The following NRXN3 variants were observed in gnomAD, a reference collection of about 807,000 sequenced individuals.
NRXN3 encodes the protein neurexin III.
A neutral mutation model predicts 137.6 loss-of-function variants in NRXN3; 32 were observed. The observed-to-expected ratio is 0.23, with a 90% confidence interval of 0.18 to 0.31. The LOEUF (loss-of-function observed/expected upper bound fraction) is 0.31, where lower values mean the gene tolerates loss of function less well. NRXN3 is among the 10% of genes least tolerant of loss of function. The probability of loss-of-function intolerance (pLI) is 1.00; values close to 1 mark genes in which losing one functional copy is unlikely to be tolerated. For synonymous variants in NRXN3, 798 were observed against 784.5 expected, an observed-to-expected ratio of 1.02 and a Z score of -0.29; for missense variants, 1,574 against 2,062.5, an observed-to-expected ratio of 0.76 and a Z score of 4.59.
rs187024398 is a variant in NRXN3, at chr14:78,589,745, C to T, written c.758-55375C>T. Among the ~76,000 whole-genome samples the T allele has an allele frequency of 6.6e-5, 10 of 152,236 alleles. No homozygotes were observed. The East Asian group carries it at 1.9e-3, about 30-fold the overall frequency. On this transcript the variant is annotated intron_variant, in intron 4 of 20. Transcript: ENST00000335750. Reference sequence around the variant, plus strand: ...CCTGGGGCAGCAGGTGTGTCTTCCCCACCTAGACTGAGGAATTGTGTCTCA... The same window carrying T: ...CCTGGGGCAGCAGGTGTGTCTTCCCTACCTAGACTGAGGAATTGTGTCTCA...
At chr14:79,218,111 C>G (rs2068862165) in intron 15 of NRXN3, among the ~76,000 whole-genome samples, 1 of 152,074 alleles carries the variant, frequency 6.6e-6, no homozygotes. Flanking sequence ...ATAATTGTTC[C>G]AATTTTGACT....
At position 79,265,675 on chromosome 14, in the gene NRXN3, T is replaced by C. The variant is rs189841165; in HGVS notation, c.3263-201546T>C. Among the ~76,000 whole-genome samples the C allele has an allele frequency of 3.5e-4, 54 of 152,226 alleles. 1 individual carries two copies. Among genetic ancestry groups the C allele is most frequent in the African/African-American group, 1.2e-3 (48 of 41,530 alleles). Reference sequence around the variant, plus strand: ...ATGTACTGACCTTTTTCTCTATTCATCTTCTGTACACCGACAAGGTATACA... The same window carrying C: ...ATGTACTGACCTTTTTCTCTATTCACCTTCTGTACACCGACAAGGTATACA... On this transcript the variant is annotated intron_variant, in intron 15 of 20. Coordinates refer to ENST00000335750, the MANE Select transcript of NRXN3 (RefSeq NM_001330195.2).
chr14:79,353,735 T>C (rs2093317791), intron 15 of NRXN3, among the ~76,000 whole-genome samples: 3 of 152,168 alleles, frequency 2.0e-5, no homozygotes, highest in African/African-American at 4.8e-5. Flanking sequence ...TAGAAGTTCT[T>C]GTGATTGACA....
At chr14:79,480,898 C>T (rs958291651) in intron 16 of NRXN3, among the ~76,000 whole-genome samples, 2 of 152,150 alleles carry the variant, frequency 1.3e-5, no homozygotes, top group African/African-American at 4.8e-5. Context: ...CCTGAGGCCT[C>T]CCCAGCCATG....
chr14:78,466,168 C>T (rs2095100970), intron 4 of NRXN3, among the ~76,000 whole-genome samples: 1 of 152,118 alleles, frequency 6.6e-6, no homozygotes, highest in Admixed American at 6.5e-5. Context: ...AAGTGTTATC[C>T]TAACTACAAA....
chr14:78,975,137 A>T (rs565001053), intron 14 of NRXN3, among the ~76,000 whole-genome samples: 1 of 152,350 alleles, frequency 6.6e-6, no homozygotes, highest in East Asian at 1.9e-4. Flanking sequence ...GATGAGATGC[A>T]GTCTCTAACT....
At chr14:79,146,000 G>T (rs572300268) in intron 15 of NRXN3, among the ~76,000 whole-genome samples, 1 of 152,266 alleles carries the variant, frequency 6.6e-6, no homozygotes. Flanking sequence ...AACAACAGAG[G>T]CACAATTCCA....
At chr14:78,216,136 T>C (rs2063255570) in intron 1 of NRXN3, among the ~76,000 whole-genome samples, 1 of 152,188 alleles carries the variant, frequency 6.6e-6, no homozygotes, top group South Asian at 2.1e-4. Flanking sequence ...TTAACCCTCT[T>C]GAGACTGGAT....
chr14:79,148,317 G>A (rs2059489925), intron 15 of NRXN3, among the ~76,000 whole-genome samples: 1 of 152,146 alleles, frequency 6.6e-6, no homozygotes, highest in East Asian at 1.9e-4. Flanking sequence ...CAGATCTAGG[G>A]AGGCATGCTC....
At chr14:79,832,746 A>G (rs1258899277) in intron 20 of NRXN3, among the ~76,000 whole-genome samples, 1 of 152,102 alleles carries the variant, frequency 6.6e-6, no homozygotes, top group Non-Finnish European at 1.5e-5. Flanking sequence ...TCAACCCCAC[A>G]TTTTGTTTAA....
intron 10 of NRXN3, among the ~76,000 whole-genome samples, chr14:78,834,321 G>A (rs1046460201): frequency 6.6e-6 from 1 of 152,148 alleles, no homozygotes; most frequent in African/African-American, 2.4e-5. Context: ...GAAGAAAGAT[G>A]GAGGGGGATA....
chr14:79,774,142 A>G (rs934672980), intron 19 of NRXN3, among the ~76,000 whole-genome samples: 14 of 152,156 alleles, frequency 9.2e-5, no homozygotes, highest in Non-Finnish European at 1.8e-4. Flanking sequence ...CAAGTAGTGG[A>G]AAGTTATAAA....
intron 19 of NRXN3, among the ~76,000 whole-genome samples, chr14:79,795,985 C>G (rs1400762979): frequency 1.3e-5 from 2 of 152,134 alleles, no homozygotes; most frequent in Non-Finnish European, 2.9e-5. Flanking sequence ...TTTGGAGCTT[C>G]AGTTAAATTT....
At chr14:79,183,227 C>G (rs184197231) in intron 15 of NRXN3, among the ~76,000 whole-genome samples, 1 of 152,088 alleles carries the variant, frequency 6.6e-6, no homozygotes, top group East Asian at 1.9e-4. Flanking sequence ...TTATCAAAAC[C>G]TCATTGCTCT....
chr14:79,862,085 C>T lies in NRXN3; in HGVS notation c.*121C>T. 1 of 824,812 alleles carries T rather than the reference C, an allele frequency of 1.2e-6. No homozygotes were observed. Among genetic ancestry groups the T allele is most frequent in the Non-Finnish European group, 1.9e-6 (1 of 528,668 alleles). 51.1% of individuals were successfully genotyped at this position (824,812 alleles called of 1,614,324 possible). ...TGGAACTATGAAATGGGGTATATAA[C>T]CACGACTCTGGTGGGGAAAACCGTT... is the stretch of plus-strand genomic sequence containing the variant. On this transcript the variant is annotated 3_prime_UTR_variant, in exon 21 of 21. Transcript: ENST00000335750.
intron 15 of NRXN3, among the ~76,000 whole-genome samples, chr14:79,059,411 C>A (rs534009603): frequency 3.5e-4 from 53 of 152,082 alleles, no homozygotes; most frequent in African/African-American, 1.3e-3. Context: ...GCGCCCGCCA[C>A]CACACCCAGC....
intron 15 of NRXN3, among the ~76,000 whole-genome samples, chr14:79,315,489 A>G (rs905787494): frequency 1.3e-5 from 2 of 152,210 alleles, no homozygotes; most frequent in Non-Finnish European, 2.9e-5. Context: ...TGGCAAAGAA[A>G]GGGAAACCAC....
intron 19 of NRXN3, among the ~76,000 whole-genome samples, chr14:79,763,582 A>C (rs1469432291): frequency 6.6e-6 from 1 of 151,610 alleles, no homozygotes; most frequent in Non-Finnish European, 1.5e-5. Flanking sequence ...TAAACAACAG[A>C]AATGTATTTG....
intron 10 of NRXN3, among the ~76,000 whole-genome samples, chr14:78,922,541 A>T (rs1013277617): frequency 6.6e-6 from 1 of 152,178 alleles, no homozygotes; most frequent in Non-Finnish European, 1.5e-5. Context: ...AGGGACTTTG[A>T]ATATGCTATA....
Sources: allele counts gnomAD v4.1 joint callset (sites outside exome capture counted in the v4.1 genomes callset), GRCh38; gene constraint gnomAD v4.1.1; transcripts MANE v1.5; gene names NCBI Gene and HGNC (gene_info 2026-07-23, HGNC 2026-07-21).